The following GMDS variants were observed in gnomAD, a reference collection of about 807,000 sequenced individuals.
GMDS encodes the protein GDP-mannose 4,6 dehydratase.
In GMDS, 20 loss-of-function variants were observed where a neutral mutation model predicts 49.9. That is an observed-to-expected ratio of 0.40 (90% confidence interval 0.28 to 0.58). GMDS has a LOEUF of 0.58. Among genes scored for constraint, GMDS ranks in the 20% least tolerant of loss-of-function variants. GMDS has a pLI of 0.42. For missense variants in GMDS, 362 were observed against 481.4 expected (o/e 0.75, Z 2.32); for synonymous variants, 177 against 178.6 (o/e 0.99, Z 0.07).
chr6:2,163,235 AT>A (rs3839609), intron 1 of GMDS, among the ~76,000 whole-genome samples: 6,161 of 152,276 alleles, frequency 0.04, 243 homozygotes, highest in South Asian at 0.13. Flanking sequence ...AGTGTCAGAA[AT>A]CCTGTCATCT....
chr6:1,810,813 A>G (rs1159621392), intron 7 of GMDS, among the ~76,000 whole-genome samples: 1 of 152,220 alleles, frequency 6.6e-6, no homozygotes, highest in Admixed American at 6.5e-5. Context: ...CACTGTGGCT[A>G]ATTTCATTAG....
At chr6:2,225,348 CAAAT>C (rs911410709) in intron 1 of GMDS, among the ~76,000 whole-genome samples, 2 of 151,990 alleles carry the variant, frequency 1.3e-5, no homozygotes, top group African/African-American at 2.4e-5. Context: ...AACAAACAAA[CAAAT>C]AAATAAGCCT....
At chr6:1,675,872 A>C (rs1409113533) in intron 9 of GMDS, among the ~76,000 whole-genome samples, 5 of 152,012 alleles carry the variant, frequency 3.3e-5, no homozygotes, top group Non-Finnish European at 5.9e-5. Flanking sequence ...AAAAATGATA[A>C]AGGGGATATC....
intron 1 of GMDS, among the ~76,000 whole-genome samples, chr6:2,234,750 A>T (rs1228625527): frequency 6.6e-6 from 1 of 152,248 alleles, no homozygotes; most frequent in Non-Finnish European, 1.5e-5. Flanking sequence ...TAATCTCTAA[A>T]TGAAGGTATG....
chr6:2,202,502 C>G (rs1554097423), intron 1 of GMDS, among the ~76,000 whole-genome samples: 1 of 151,118 alleles, frequency 6.6e-6, no homozygotes, highest in Non-Finnish European at 1.5e-5. Flanking sequence ...GGTTTCAACT[C>G]AAATGCTTAT....
At chr6:2,017,468 C>T (rs1767978683) in intron 4 of GMDS, among the ~76,000 whole-genome samples, 3 of 152,042 alleles carry the variant, frequency 2.0e-5, no homozygotes. Flanking sequence ...GCCACTGCAC[C>T]CAGCTAATTT....
rs1173549468 is a variant in GMDS at position 2,133,857 on chromosome 6, A to T, written c.103-9126T>A. ...ATCAAATTTTGTAAAAACAACTTTAAGTCACCGGAGGCAAGGAGAGCTCCA... is the reference window on the plus strand; with the variant it reads ...ATCAAATTTTGTAAAAACAACTTTATGTCACCGGAGGCAAGGAGAGCTCCA... On this transcript the variant is annotated intron_variant, in intron 1 of 10. Coordinates refer to ENST00000380815, the MANE Select transcript of GMDS (RefSeq NM_001500.4). Among the ~76,000 whole-genome samples, 3 of 152,204 alleles carry T rather than the reference A, an allele frequency of 2.0e-5. No homozygotes were observed. In the East Asian group the frequency reaches 5.8e-4, roughly 29 times the overall value.
intron 4 of GMDS, among the ~76,000 whole-genome samples, chr6:2,019,989 A>G (rs1012069215): frequency 4.6e-5 from 7 of 152,062 alleles, no homozygotes; most frequent in African/African-American, 1.7e-4. Context: ...CAATCTGTTA[A>G]TATTTTGTTT....
chr6:1,784,776 C>A (rs576539188), intron 7 of GMDS, among the ~76,000 whole-genome samples: 1 of 152,312 alleles, frequency 6.6e-6, no homozygotes, highest in South Asian at 2.1e-4. Context: ...GGCTGACCAC[C>A]CAGCAGCAAG....
At chr6:1,929,834 C>G (rs574528354) in intron 7 of GMDS, among the ~76,000 whole-genome samples, 79 of 152,222 alleles carry the variant, frequency 5.2e-4, no homozygotes, top group Non-Finnish European at 1.0e-3. Context: ...TTCCATCTAT[C>G]TATCCATCAT....
At position 1,713,511 on chromosome 6, in the gene GMDS, C is replaced by T. The variant is rs142550050; in HGVS notation, c.987+12905G>A. ...AGAAGAGACAATGTATTGGCACTGA[C>T]GGCCATCCCCATCCTACCTTTAGGA... On this transcript the variant is annotated intron_variant, in intron 9 of 10. Coordinates refer to ENST00000380815, the MANE Select transcript of GMDS (RefSeq NM_001500.4). Among the ~76,000 whole-genome samples, 153 of 152,248 alleles carry T rather than the reference C, an allele frequency of 1.0e-3. 1 individual carries two copies. Among genetic ancestry groups the T allele is most frequent in the Non-Finnish European group, 1.9e-3 (126 of 68,010 alleles).
chr6:1,670,787 C>T (rs1472750216), intron 9 of GMDS, among the ~76,000 whole-genome samples: 1 of 152,164 alleles, frequency 6.6e-6, no homozygotes, highest in Admixed American at 6.5e-5. Flanking sequence ...TAGTTCCAAA[C>T]GTTGAAGTCA....
chr6:2,018,637 T>C (rs1768054496), intron 4 of GMDS, among the ~76,000 whole-genome samples: 1 of 152,220 alleles, frequency 6.6e-6, no homozygotes, highest in Non-Finnish European at 1.5e-5. Flanking sequence ...CCATAATGTT[T>C]TCAAGGTTCA....
At chr6:2,121,928 T>C (rs1483205958) in intron 2 of GMDS, among the ~76,000 whole-genome samples, 1 of 152,138 alleles carries the variant, frequency 6.6e-6, no homozygotes, top group African/African-American at 2.4e-5. Context: ...ACAGCTGGCC[T>C]TACCACTGCT....
chr6:1,704,726 G>T (rs1291003481), intron 9 of GMDS, among the ~76,000 whole-genome samples: 1 of 152,194 alleles, frequency 6.6e-6, no homozygotes, highest in African/African-American at 2.4e-5. Context: ...ATTTTCATGT[G>T]TGAGAAGAGA....
intron 4 of GMDS, among the ~76,000 whole-genome samples, chr6:1,999,995 AT>A (rs1187072664): frequency 0.077 from 1,127 of 14,614 alleles, 193 homozygotes; most frequent in Non-Finnish European, 0.1. Flanking sequence ...ATATATATAT[AT>A]TATATATATA....
At chr6:1,713,012 T>C (rs1174387906) in intron 9 of GMDS, among the ~76,000 whole-genome samples, 1 of 152,170 alleles carries the variant, frequency 6.6e-6, no homozygotes, top group African/African-American at 2.4e-5. Flanking sequence ...GGCCATGCCA[T>C]CATATCTGCG....
chr6:2,079,019 CTTTTT>C (rs386405902), intron 4 of GMDS, among the ~76,000 whole-genome samples: 12 of 33,984 alleles, frequency 3.5e-4, no homozygotes, highest in South Asian at 3.1e-3. Flanking sequence ...ATGACCTTGT[CTTTTT>C]TTTTTTTTTT....
In GMDS at chr6:1,977,572, C is replaced by T. The variant is rs147398221; in HGVS notation, c.346-16606G>A. 2.0e-4 allele frequency among the ~76,000 whole-genome samples: 31 copies of T among 152,202 alleles called. No homozygotes were observed. The East Asian group carries it at 4.8e-3, about 24-fold the overall frequency. ...CCCTTAGCTGAAATACCTAGGTTAT[C>T]GCATTGGAACGGACTAGGAAAACAA... On this transcript the variant is annotated intron_variant, in intron 4 of 10. Transcript: ENST00000380815.
Sources: allele counts gnomAD v4.1 joint callset (sites outside exome capture counted in the v4.1 genomes callset), GRCh38; gene constraint gnomAD v4.1.1; transcripts MANE v1.5; gene names NCBI Gene and HGNC (gene_info 2026-07-23, HGNC 2026-07-21).